The following SH3D19 variants were observed in gnomAD, a reference collection of about 807,000 sequenced individuals.
SH3D19 encodes the protein SH3 domain-containing protein 19.
In SH3D19, 58 loss-of-function variants were observed where a neutral mutation model predicts 112.1. The ratio of observed to expected loss-of-function variants is 0.52; its 90% CI spans 0.42 to 0.64. SH3D19 has a LOEUF of 0.64. SH3D19 is among the 30% of genes least tolerant of loss of function. SH3D19 has a pLI of 0.00. For missense variants in SH3D19, 1,090 were observed against 1,263.4 expected, an observed-to-expected ratio of 0.86 and a Z score of 2.08; for synonymous variants, 391 against 448.5, an observed-to-expected ratio of 0.87 and a Z score of 1.62.
At position 151,120,382 on chromosome 4, in the gene SH3D19, T is replaced by C. The variant is rs903563788; in HGVS notation, c.*1709A>G. On this transcript the variant is annotated 3_prime_UTR_variant, in exon 20 of 20. Coordinates refer to ENST00000604030, the MANE Select transcript of SH3D19 (RefSeq NM_001378122.1). Reference sequence around the variant, plus strand: ...AAGGCCAAAACTGAAGATTGAGATTTTCCTCTAATAAAGATAGGTTTTCAG... The same window carrying C: ...AAGGCCAAAACTGAAGATTGAGATTCTCCTCTAATAAAGATAGGTTTTCAG... The C allele has an allele frequency of 9.2e-5, 14 of 152,638 alleles. No individual in the cohort carries two copies. Among genetic ancestry groups the C allele is most frequent in the African/African-American group, 3.4e-4 (14 of 41,452 alleles). The allele number at this position is 152,638 out of a possible 1,614,324, so 9.5% of individuals were successfully genotyped here.
intron 1 of SH3D19, among the ~76,000 whole-genome samples, chr4:151,324,172 T>G (rs946296225): frequency 6.6e-6 from 1 of 152,218 alleles, no homozygotes; most frequent in African/African-American, 2.4e-5. Context: ...CCAAAGGCAT[T>G]AAATTGACTA....
chr4:151,138,980 A>AC (rs748791513), intron 13 of SH3D19, among the ~76,000 whole-genome samples: 1 of 151,866 alleles, frequency 6.6e-6, no homozygotes, highest in Non-Finnish European at 1.5e-5. Context: ...GGCATGCGTC[A>AC]CCATGCCCGG....
intron 1 of SH3D19, among the ~76,000 whole-genome samples, chr4:151,255,212 G>C (rs1771763779): frequency 1.4e-5 from 2 of 146,104 alleles, no homozygotes; most frequent in East Asian, 2.1e-4. Context: ...CGGGCGGAGA[G>C]GCTCCTCACT....
At chr4:151,132,239 T>A (rs1319139644) in intron 17 of SH3D19, 92 bp downstream of exon 17, 2 of 995,414 alleles carry the variant, frequency 2.0e-6, no homozygotes, top group Non-Finnish European at 3.0e-6. Context: ...AAAAATTAAT[T>A]CATACTATAT....
At position 151,272,763 on chromosome 4, in the gene SH3D19, C is replaced by T. The variant is rs955905082; in HGVS notation, c.113-46677G>A. Reference sequence around the variant, plus strand: ...CTTTAGAGATTCAGGTTTCACTTTTCTTTTTTTTTTTTTAACAAGGATACT... The same window carrying T: ...CTTTAGAGATTCAGGTTTCACTTTTTTTTTTTTTTTTTTAACAAGGATACT... On this transcript the variant is annotated intron_variant, in intron 1 of 19. Transcript: ENST00000604030. Among the ~76,000 whole-genome samples, 26 of 142,758 alleles carry T rather than the reference C, an allele frequency of 1.8e-4. No homozygotes were observed. In the East Asian group the frequency reaches 4.3e-3, roughly 23 times the overall value. The allele number at this position is 142,758 out of a possible 152,430, so 93.7% of individuals were successfully genotyped here.
chr4:151,165,297 G>T (rs1757813694), intron 8 of SH3D19, among the ~76,000 whole-genome samples: 1 of 151,902 alleles, frequency 6.6e-6, no homozygotes, highest in East Asian at 1.9e-4. Context: ...AGCTGAGATT[G>T]TGCCACTGCA....
At chr4:151,285,888 T>C (rs1353748459) in intron 1 of SH3D19, among the ~76,000 whole-genome samples, 1 of 151,220 alleles carries the variant, frequency 6.6e-6, no homozygotes, top group East Asian at 1.9e-4. Flanking sequence ...AAAATATATA[T>C]ATACATAAAT....
At chr4:151,223,319 A>AT (rs963985459) in intron 2 of SH3D19, among the ~76,000 whole-genome samples, 4 of 151,542 alleles carry the variant, frequency 2.6e-5, no homozygotes, top group Non-Finnish European at 5.9e-5. Flanking sequence ...CAAAATGATG[A>AT]TTTTCTAAGT....
chr4:151,224,178 G>A (rs1768573870), intron 2 of SH3D19, among the ~76,000 whole-genome samples: 2 of 152,054 alleles, frequency 1.3e-5, no homozygotes, highest in Admixed American at 1.3e-4. Context: ...GCATGGTGGC[G>A]GGCACCTGTA....
chr4:151,144,795 T>C lies in SH3D19; in HGVS notation c.2083-745A>G, dbSNP rs146848509. Among the ~76,000 whole-genome samples, 482 of 152,310 alleles carry C rather than the reference T, an allele frequency of 3.2e-3. 2 individuals carry two copies. Among genetic ancestry groups the C allele is most frequent in the Non-Finnish European group, 4.8e-3 (328 of 68,016 alleles). On this transcript the variant is annotated intron_variant, in intron 11 of 19. Transcript: ENST00000604030. ...CATTTCATGGCCTGATCCCAGCCAC[T>C]TCCTGGTCCACTCAGCTCTGTCTGA...
chr4:151,187,089 C>T (rs773447658), intron 3 of SH3D19, among the ~76,000 whole-genome samples: 6 of 151,660 alleles, frequency 4.0e-5, no homozygotes, highest in Non-Finnish European at 8.8e-5. Flanking sequence ...CCACTGCACC[C>T]GGCCGCTACA....
At chr4:151,292,011 AAG>A (rs1244571066) in intron 1 of SH3D19, among the ~76,000 whole-genome samples, 3 of 152,340 alleles carry the variant, frequency 2.0e-5, no homozygotes, top group African/African-American at 7.2e-5. Flanking sequence ...AAGAAAAAAA[AAG>A]AGATGCAAAC....
chr4:151,232,811 C>G (rs1769714715), intron 1 of SH3D19, among the ~76,000 whole-genome samples: 1 of 152,178 alleles, frequency 6.6e-6, no homozygotes, highest in African/African-American at 2.4e-5. Flanking sequence ...TTTCTTACTG[C>G]TGCTGTACCA....
chr4:151,180,202 A>C (rs2149835821), intron 3 of SH3D19, among the ~76,000 whole-genome samples: 1 of 152,172 alleles, frequency 6.6e-6, no homozygotes, highest in South Asian at 2.1e-4. Context: ...CTAAGATATA[A>C]TAATTAATGT....
At chr4:151,227,648 CCA>C (rs1480241519) in intron 1 of SH3D19, 1 of 585,716 alleles carries the variant, frequency 1.7e-6, no homozygotes, top group African/African-American at 2.0e-5. Flanking sequence ...CAATCATTCT[CCA>C]GTTTTTAGCC....
intron 1 of SH3D19, among the ~76,000 whole-genome samples, chr4:151,234,352 T>C (rs546882948): frequency 6.6e-6 from 1 of 152,202 alleles, no homozygotes; most frequent in Non-Finnish European, 1.5e-5. Flanking sequence ...GTTTCAGAGA[T>C]GAAATCAAAG....
At chr4:151,241,332 A>C (rs1561394138) in intron 1 of SH3D19, among the ~76,000 whole-genome samples, 1 of 151,910 alleles carries the variant, frequency 6.6e-6, no homozygotes, top group Non-Finnish European at 1.5e-5. Flanking sequence ...CAAGCAAGCT[A>C]GTCACAAGAG....
chr4:151,311,568 G>T (rs1729463446), intron 1 of SH3D19, among the ~76,000 whole-genome samples: 1 of 152,114 alleles, frequency 6.6e-6, no homozygotes, highest in African/African-American at 2.4e-5. Context: ...GCTGGGCATA[G>T]TGCCTCACGC....
At chr4:151,293,557 G>C (rs1775505787) in intron 1 of SH3D19, among the ~76,000 whole-genome samples, 1 of 151,950 alleles carries the variant, frequency 6.6e-6, no homozygotes. Flanking sequence ...GTAGCATCTG[G>C]ATTGCCATTA....
Sources: gnomAD v4.1 joint callset for allele counts (sites outside exome capture counted in the v4.1 genomes callset) on GRCh38, gnomAD v4.1.1 for gene constraint, MANE v1.5 for transcripts, NCBI Gene and HGNC (gene_info 2026-07-23, HGNC 2026-07-21) for gene names.